The following EPC1 variants were observed in gnomAD, a reference collection of about 807,000 sequenced individuals.
EPC1 encodes the protein enhancer of polycomb homolog 1.
In EPC1, 12 loss-of-function variants were observed where a neutral mutation model predicts 98.4. That is an observed-to-expected ratio of 0.12 (90% confidence interval 0.08 to 0.20). EPC1 has a LOEUF of 0.20. Among genes scored for constraint, EPC1 ranks in the 10% least tolerant of loss-of-function variants. The pLI is 1.00. For missense variants in EPC1, 729 were observed against 990.5 expected (o/e 0.74, Z 3.54); for synonymous variants, 357 against 363.9 (o/e 0.98, Z 0.21).
At chr10:32,291,088 T>C (rs2132726950) in intron 6 of EPC1, 75 bp downstream of exon 6, 1 of 1,426,732 alleles carries the variant, frequency 7.0e-7, no homozygotes, top group East Asian at 2.3e-5. Flanking sequence ...ATGTGTGTTT[T>C]TCTTTTTAAC....
At chr10:32,313,754 C>T (rs1412025411) in intron 1 of EPC1, among the ~76,000 whole-genome samples, 2 of 151,930 alleles carry the variant, frequency 1.3e-5, no homozygotes, top group African/African-American at 2.4e-5. Flanking sequence ...GGCGTGGTGG[C>T]GGGTGCCTGT....
chr10:32,371,269 C>A (rs1839741089), intron 1 of EPC1, among the ~76,000 whole-genome samples: 1 of 152,120 alleles, frequency 6.6e-6, no homozygotes, highest in South Asian at 2.1e-4. Flanking sequence ...TGGAGAGTTT[C>A]CAGTGGATTG....
chr10:32,376,370 G>A (rs1839872227), intron 1 of EPC1, among the ~76,000 whole-genome samples: 1 of 152,020 alleles, frequency 6.6e-6, no homozygotes, highest in African/African-American at 2.4e-5. Context: ...CAATACATGT[G>A]TTGGAAAGTA....
chr10:32,328,509 G>T (rs372486821), intron 1 of EPC1, among the ~76,000 whole-genome samples: 4 of 152,324 alleles, frequency 2.6e-5, no homozygotes, highest in African/African-American at 9.6e-5. Flanking sequence ...TAGGAAGCAG[G>T]TTGTCAAGGG....
At chr10:32,331,216 G>C (rs1837620337) in intron 1 of EPC1, among the ~76,000 whole-genome samples, 1 of 152,084 alleles carries the variant, frequency 6.6e-6, no homozygotes, top group African/African-American at 2.4e-5. Context: ...ACTGGGCATG[G>C]TGGTGGGTGC....
chr10:32,310,405 T>C (rs1000721661), intron 1 of EPC1, among the ~76,000 whole-genome samples: 4 of 152,192 alleles, frequency 2.6e-5, no homozygotes, highest in African/African-American at 9.7e-5. Context: ...TAGTACCCAA[T>C]GCATGGCAGC....
intron 1 of EPC1, among the ~76,000 whole-genome samples, chr10:32,364,907 A>AT (rs5784286): frequency 2.2e-3 from 307 of 139,880 alleles, no homozygotes; most frequent in Middle Eastern, 3.7e-3. Flanking sequence ...TTTTTTCATG[A>AT]TTTTTTTTTT....
chr10:32,305,185 A>G (rs893198750), intron 2 of EPC1, among the ~76,000 whole-genome samples: 12 of 152,374 alleles, frequency 7.9e-5, no homozygotes, highest in African/African-American at 1.7e-4. Context: ...AAAAATTAGC[A>G]TCACTCTACT....
At chr10:32,270,773 G>T (rs894307385) in intron 13 of EPC1, among the ~76,000 whole-genome samples, 2 of 136,916 alleles carry the variant, frequency 1.5e-5, no homozygotes, top group Admixed American at 8.2e-5. Context: ...AGTGAGCTGA[G>T]ATTGTGCCAC....
At chr10:32,300,319 T>G (rs1204009273) in intron 2 of EPC1, among the ~76,000 whole-genome samples, 1 of 152,156 alleles carries the variant, frequency 6.6e-6, no homozygotes, top group Non-Finnish European at 1.5e-5. Context: ...TATGTATACA[T>G]GTGCCATGTT....
intron 1 of EPC1, chr10:32,345,123 G>A: frequency 2.1e-6 from 2 of 969,546 alleles, no homozygotes; most frequent in Non-Finnish European, 2.5e-6. Flanking sequence ...GCAGTCACAA[G>A]TACTTTAATT....
chr10:32,298,992 G>A (rs73245672), intron 2 of EPC1, among the ~76,000 whole-genome samples: 167 of 152,270 alleles, frequency 1.1e-3, no homozygotes, highest in African/African-American at 3.9e-3. Context: ...ACTTATATAA[G>A]TTGTTGAAAT....
At chr10:32,362,230 C>A (rs1332957280) in intron 1 of EPC1, among the ~76,000 whole-genome samples, 1 of 152,056 alleles carries the variant, frequency 6.6e-6, no homozygotes, top group Non-Finnish European at 1.5e-5. Flanking sequence ...TGGATGGGGA[C>A]CCCTTTCTGG....
intron 1 of EPC1, among the ~76,000 whole-genome samples, chr10:32,367,792 A>T (rs930173330): frequency 1.3e-5 from 2 of 152,260 alleles, no homozygotes; most frequent in African/African-American, 4.8e-5. Flanking sequence ...TCAAATAAAC[A>T]GCAGTGCCAT....
At chr10:32,273,084 T>C (rs1835916604) in intron 11 of EPC1, 79 bp downstream of exon 11, 1 of 1,614,060 alleles carries the variant, frequency 6.2e-7, no homozygotes. Context: ...TGCAAGGTTC[T>C]ATGACAACAG....
chr10:32,322,332 T>C (rs1836977516), intron 1 of EPC1, among the ~76,000 whole-genome samples: 1 of 152,130 alleles, frequency 6.6e-6, no homozygotes, highest in Admixed American at 6.6e-5. Context: ...CAAAATAATA[T>C]AATCTTTTTA....
intron 13 of EPC1, 125 bp downstream of exon 13, chr10:32,271,429 A>C (rs1035093175): frequency 7.5e-6 from 8 of 1,067,120 alleles, no homozygotes; most frequent in Non-Finnish European, 1.1e-5. Flanking sequence ...TCAATTCTCA[A>C]CTATACATTT....
At chr10:32,371,197 C>T (rs1001797842) in intron 1 of EPC1, among the ~76,000 whole-genome samples, 2 of 152,192 alleles carry the variant, frequency 1.3e-5, no homozygotes, top group Non-Finnish European at 2.9e-5. Context: ...AAATGGTCCT[C>T]TTCATTCTTT....
chr10:32,307,231 C>A (rs1835928202), intron 1 of EPC1, among the ~76,000 whole-genome samples: 1 of 152,132 alleles, frequency 6.6e-6, no homozygotes, highest in Non-Finnish European at 1.5e-5. Context: ...CTGGCAACAA[C>A]CTAAATGCCT....
Sources: gnomAD v4.1 joint callset for allele counts (sites outside exome capture counted in the v4.1 genomes callset) on GRCh38, gnomAD v4.1.1 for gene constraint, MANE v1.5 for transcripts, NCBI Gene and HGNC (gene_info 2026-07-23, HGNC 2026-07-21) for gene names.